RIMS2: variants seen among roughly 807,000 people sequenced by gnomAD.
RIMS2 encodes regulating synaptic membrane exocytosis 2, also known as regulating synaptic membrane exocytosis protein 2.
Under a neutral mutation model 174.4 loss-of-function variants are expected in RIMS2, and 59 were observed. That is an observed-to-expected ratio of 0.34 (90% CI 0.27 to 0.42). RIMS2 has a LOEUF of 0.42. Among genes scored for constraint, RIMS2 ranks in the 10% least tolerant of loss-of-function variants. The pLI, the probability that RIMS2 is intolerant of heterozygous loss-of-function variation, is 1.00. For synonymous variants in RIMS2, 606 were observed against 572.5 expected (o/e 1.06, Z -0.84); for missense variants, 1,620 against 1,666.3 (o/e 0.97, Z 0.48).
chr8:103,510,544 C>T (rs1292039267), intron 1 of RIMS2, among the ~76,000 whole-genome samples: 2 of 152,020 alleles, frequency 1.3e-5, no homozygotes, highest in African/African-American at 4.8e-5. Flanking sequence ...GTTATAGGAC[C>T]GAGATTCTTG....
At chr8:103,630,557 G>T (rs1589360774) in intron 1 of RIMS2, among the ~76,000 whole-genome samples, 1 of 136,980 alleles carries the variant, frequency 7.3e-6, no homozygotes, top group Non-Finnish European at 1.5e-5. Context: ...TCTAGCCTGG[G>T]CAACAAGAGC....
intron 17 of RIMS2, among the ~76,000 whole-genome samples, chr8:104,001,341 G>A (rs2095378571): frequency 1.3e-5 from 2 of 151,762 alleles, no homozygotes; most frequent in Admixed American, 1.3e-4. Flanking sequence ...AAATGTAACA[G>A]TACCCCATAA....
At chr8:104,239,410 A>G (rs894653527) in intron 19 of RIMS2, among the ~76,000 whole-genome samples, 8 of 152,092 alleles carry the variant, frequency 5.3e-5, no homozygotes, top group Admixed American at 5.2e-4. Flanking sequence ...TCTTTTCCAA[A>G]TGTACTTTGG....
intron 2 of RIMS2, among the ~76,000 whole-genome samples, chr8:103,727,721 C>T (rs758808781): frequency 1.6e-4 from 25 of 152,148 alleles, no homozygotes; most frequent in Non-Finnish European, 3.4e-4. Context: ...ATGTTCTTGG[C>T]ACCTTTGTCA....
intron 2 of RIMS2, among the ~76,000 whole-genome samples, chr8:103,727,534 G>A (rs1014904913): frequency 6.6e-6 from 1 of 151,620 alleles, no homozygotes; most frequent in East Asian, 2.0e-4. Flanking sequence ...TATTACTCAA[G>A]AAATCTTTGC....
intron 4 of RIMS2, among the ~76,000 whole-genome samples, chr8:103,894,835 A>C (rs2099268203): frequency 6.6e-6 from 1 of 151,594 alleles, no homozygotes; most frequent in South Asian, 2.1e-4. Flanking sequence ...TGCTTCTAAA[A>C]TATTTGCTAT....
At chr8:103,660,408 C>T (rs2096584501) in intron 1 of RIMS2, among the ~76,000 whole-genome samples, 1 of 152,190 alleles carries the variant, frequency 6.6e-6, no homozygotes, top group African/African-American at 2.4e-5. Context: ...TCTGTAGGTG[C>T]CATCTCTACC....
At chr8:103,753,641 C>T (rs900463900) in intron 2 of RIMS2, among the ~76,000 whole-genome samples, 2 of 152,146 alleles carry the variant, frequency 1.3e-5, no homozygotes, top group Non-Finnish European at 2.9e-5. Context: ...TCACCTTCTT[C>T]CTGGTTTAGT....
intron 19 of RIMS2, among the ~76,000 whole-genome samples, chr8:104,099,389 C>T (rs1179745241): frequency 1.3e-5 from 2 of 152,144 alleles, no homozygotes; most frequent in African/African-American, 4.8e-5. Context: ...TCTTCTTTAT[C>T]ACCAAGGCTA....
At position 104,107,969 on chromosome 8, in the gene RIMS2, C is replaced by G. The variant is rs541947662; in HGVS notation, c.3334+93354C>G. On this transcript the variant is annotated intron_variant, in intron 19 of 23. Coordinates refer to ENST00000504942, the Ensembl canonical transcript of RIMS2. ...ATAGTCCAGGTGGTCTTTCCCCTGC[C>G]CCCCCCCCACAATGGAAATAAACTA... Among the ~76,000 whole-genome samples, 4 of 80,740 alleles carry G rather than the reference C, an allele frequency of 5.0e-5. No homozygotes were observed. The East Asian group carries it at 3.5e-3, about 71-fold the overall frequency. 53.0% of individuals were successfully genotyped at this position (80,740 alleles called of 152,430 possible).
chr8:103,881,215 AT>A (rs959065760), intron 3 of RIMS2, among the ~76,000 whole-genome samples: 1 of 151,542 alleles, frequency 6.6e-6, no homozygotes, highest in African/African-American at 2.4e-5. Flanking sequence ...TGTTGTCATA[AT>A]TTTTAAAAAT....
chr8:103,848,776 C>G (rs929772167), intron 3 of RIMS2, among the ~76,000 whole-genome samples: 3 of 151,930 alleles, frequency 2.0e-5, no homozygotes, highest in Non-Finnish European at 4.4e-5. Flanking sequence ...CTGACAGGAC[C>G]CTCACTTTAC....
At chr8:103,706,647 C>T (rs115730661) in intron 2 of RIMS2, among the ~76,000 whole-genome samples, 1,670 of 152,184 alleles carry the variant, frequency 0.011, 34 homozygotes, top group African/African-American at 0.038. Flanking sequence ...TCTGCTGCTA[C>T]GTCTGCAGCC....
chr8:103,921,429 G>A (rs2077631712), intron 9 of RIMS2, among the ~76,000 whole-genome samples: 1 of 152,086 alleles, frequency 6.6e-6, no homozygotes, highest in Non-Finnish European at 1.5e-5. Context: ...GTAGAGGTCT[G>A]TCTCTACTAT....
chr8:103,648,438 C>A (rs2096386557), intron 1 of RIMS2, among the ~76,000 whole-genome samples: 1 of 152,032 alleles, frequency 6.6e-6, no homozygotes, highest in African/African-American at 2.4e-5. Flanking sequence ...TGGTGGAGTT[C>A]TGTAGGTATC....
chr8:103,703,977 T>C, intron 2 of RIMS2, among the ~76,000 whole-genome samples: 1 of 152,028 alleles, frequency 6.6e-6, no homozygotes, highest in Non-Finnish European at 1.5e-5. Context: ...GCCTTTTGTC[T>C]ATTTCTGTTG....
chr8:103,631,352 T>C (rs1050992897), intron 1 of RIMS2, among the ~76,000 whole-genome samples: 7 of 152,256 alleles, frequency 4.6e-5, no homozygotes, highest in African/African-American at 1.4e-4. Flanking sequence ...TGCTTATGGC[T>C]AGCCAGTTAA....
rs1392463278 is a variant in RIMS2, at chr8:103,784,864, T to C, written c.698+18327T>C. Among the ~76,000 whole-genome samples, 7 of 126,264 alleles carry C rather than the reference T, an allele frequency of 5.5e-5. 1 individual carries two copies. The highest frequency in any genetic ancestry group is 2.2e-4 in the African/African-American group (7 of 32,076). The allele number at this position is 126,264 out of a possible 152,430, so 82.8% of individuals were successfully genotyped here. ...AATCTGTAAATTACCTTGGGCAGTA[T>C]GGCCATTTTCACGATATTGATTCTT... is the stretch of plus-strand genomic sequence containing the variant. On this transcript the variant is annotated intron_variant, in intron 3 of 23. Coordinates refer to ENST00000504942, the Ensembl canonical transcript of RIMS2.
chr8:103,794,691 A>G (rs1176952433), intron 3 of RIMS2, among the ~76,000 whole-genome samples: 1 of 152,224 alleles, frequency 6.6e-6, no homozygotes, highest in Admixed American at 6.5e-5. Context: ...CCTTCTGACA[A>G]AGGGCTAATA....
Sources: allele counts gnomAD v4.1 joint callset (sites outside exome capture counted in the v4.1 genomes callset), GRCh38; gene constraint gnomAD v4.1.1; transcripts MANE v1.5; gene names NCBI Gene and HGNC (gene_info 2026-07-23, HGNC 2026-07-21).